GUCY2C: variants seen among roughly 807,000 people sequenced by gnomAD.
GUCY2C encodes the protein guanylyl cyclase C.
GUCY2C carries 118 observed loss-of-function variants against 131.1 expected under a neutral mutation model. The observed-to-expected ratio is 0.90, with a 90% CI of 0.78 to 1.05. The LOEUF is 1.05. Among genes scored for constraint, GUCY2C ranks in the 50% least tolerant of loss-of-function variants. GUCY2C has a pLI of 0.00. For synonymous variants in GUCY2C, 452 were observed against 457.8 expected, an observed-to-expected ratio of 0.99 and a Z score of 0.16; for missense variants, 1,161 against 1,304.4, an observed-to-expected ratio of 0.89 and a Z score of 1.69.
chr12:14,678,967 G>A (rs1192642578), intron 6 of GUCY2C, among the ~76,000 whole-genome samples: 2 of 152,170 alleles, frequency 1.3e-5, no homozygotes. Flanking sequence ...GAGAAATGTG[G>A]AGGAAAAGAT....
At chr12:14,625,598 G>C (rs1946997097) in intron 21 of GUCY2C, among the ~76,000 whole-genome samples, 159 bp downstream of exon 21, 1 of 152,124 alleles carries the variant, frequency 6.6e-6, no homozygotes, top group Admixed American at 6.6e-5. Flanking sequence ...CTCTCAAAGT[G>C]CTAGGATTAC....
In GUCY2C at chr12:14,651,451, T is replaced by G. The variant is rs751599567; in HGVS notation, c.1666A>C (p.Met556Leu). ...KFYGTVKLDTMIFGVIEYCER... is the reference protein window; with the variant it reads ...KFYGTVKLDTLIFGVIEYCER... ...CAGTATTCTATCACCCCGAAGATCA[T>G]GGTATCAAGTTTCACTGTGCCGTAG... Residue 556 changes from methionine (M) to leucine (L), a missense_variant, in exon 15 of 27, where the codon ATG becomes CTG. Met to Leu is a conservative substitution (Grantham distance 15, BLOSUM62 2). Coordinates refer to ENST00000261170, the MANE Select transcript of GUCY2C (RefSeq NM_004963.4). 1 of 1,606,106 alleles carries G rather than the reference T, an allele frequency of 6.2e-7. No homozygotes were observed. The highest frequency in any genetic ancestry group is 2.2e-5 in the East Asian group (1 of 44,814).
intron 24 of GUCY2C, among the ~76,000 whole-genome samples, chr12:14,617,294 C>G (rs1378243843): frequency 6.6e-6 from 1 of 152,168 alleles, no homozygotes; most frequent in East Asian, 1.9e-4. Flanking sequence ...AGAATGCCCT[C>G]ACACAAGAAA....
chr12:14,613,300 A>G lies in GUCY2C; in HGVS notation c.3048-9T>C. ...AACGCTGTTGATTCTCCCTGGAAACAGAGTGGGAAGAGAAAATAGAACTTC... is the reference window on the plus strand; with the variant it reads ...AACGCTGTTGATTCTCCCTGGAAACGGAGTGGGAAGAGAAAATAGAACTTC... On this transcript the variant is annotated splice_polypyrimidine_tract_variant and intron_variant, in intron 26 of 26. Coordinates refer to ENST00000261170, the MANE Select transcript of GUCY2C (RefSeq NM_004963.4). The surrounding 1 kb of genome is among the most constrained non-coding windows in gnomAD (Gnocchi z 4.9). The G allele has an allele frequency of 6.2e-7, 1 of 1,605,442 alleles. No homozygotes were observed.
At chr12:14,626,197 G>A (rs963543477) in intron 20 of GUCY2C, among the ~76,000 whole-genome samples, 3 of 151,850 alleles carry the variant, frequency 2.0e-5, no homozygotes, top group South Asian at 4.2e-4. Context: ...GAAATTAGCC[G>A]GGCATGGTGG....
At chr12:14,614,277 T>A (rs1004345396) in intron 26 of GUCY2C, among the ~76,000 whole-genome samples, 1 of 152,144 alleles carries the variant, frequency 6.6e-6, no homozygotes, top group Non-Finnish European at 1.5e-5. Context: ...TCTAAGAAAG[T>A]GGACAGAATA....
Position 14,696,540 on chromosome 12 carries a change from C to A in GUCY2C, c.-92G>T. The A allele has an allele frequency of 1.1e-6, 1 of 898,744 alleles. No individual in the cohort carries two copies. Among genetic ancestry groups the A allele is most frequent in the South Asian group, 1.5e-5 (1 of 68,104 alleles). 55.7% of individuals were successfully genotyped at this position (898,744 alleles called of 1,614,324 possible). A position where few individuals can be genotyped will look rare whatever the true frequency, so the allele number is the denominator to read the frequency against. On this transcript the variant is annotated 5_prime_UTR_variant, in exon 1 of 27. It removes the in-frame stop codon of an upstream open reading frame in the 5' UTR. Coordinates refer to ENST00000261170, the MANE Select transcript of GUCY2C (RefSeq NM_004963.4). ...GGCAGGGAATCCAGATGGACAGCCT[C>A]TAGTGGAGTCCCTCAGCCCACTCTT...
intron 11 of GUCY2C, among the ~76,000 whole-genome samples, chr12:14,658,219 C>A (rs571780076): frequency 4.8e-4 from 73 of 152,126 alleles, no homozygotes; most frequent in Non-Finnish European, 9.6e-4. Flanking sequence ...GAAATAAATC[C>A]TTTGTCCCTT....
intron 10 of GUCY2C, chr12:14,665,616 A>T (rs1284219026): frequency 6.6e-6 from 1 of 152,280 alleles, no homozygotes; most frequent in African/African-American, 2.4e-5. Flanking sequence ...GTTTGACGTC[A>T]TTTTTGTGAT....
chr12:14,692,852 A>G (rs1356548700), intron 1 of GUCY2C, among the ~76,000 whole-genome samples: 1 of 152,112 alleles, frequency 6.6e-6, no homozygotes, highest in African/African-American at 2.4e-5. Flanking sequence ...TCTGTCCCGA[A>G]TAAATAAATA....
intron 23 of GUCY2C, among the ~76,000 whole-genome samples, chr12:14,620,000 A>G (rs1946859571): frequency 6.6e-6 from 1 of 152,170 alleles, no homozygotes; most frequent in African/African-American, 2.4e-5. Context: ...TTAAAGATTA[A>G]CTCAAAAACT....
At chr12:14,636,278 C>T (rs532910176) in intron 19 of GUCY2C, among the ~76,000 whole-genome samples, 1 of 152,070 alleles carries the variant, frequency 6.6e-6, no homozygotes, top group South Asian at 2.1e-4. Context: ...GGGATTTATC[C>T]CCAGGAAGCA....
chr12:14,650,941 T>C (rs1947643228), intron 15 of GUCY2C, among the ~76,000 whole-genome samples: 2 of 152,194 alleles, frequency 1.3e-5, no homozygotes, highest in South Asian at 4.1e-4. Flanking sequence ...TTCCTCTGTT[T>C]GCTTTGGACT....
At chr12:14,664,666 T>C (rs1181390319) in intron 10 of GUCY2C, among the ~76,000 whole-genome samples, 3 of 152,170 alleles carry the variant, frequency 2.0e-5, no homozygotes, top group Non-Finnish European at 4.4e-5. Flanking sequence ...CATCTCACAA[T>C]GAATGAGAGT....
At chr12:14,620,093 T>C (rs934025656) in intron 23 of GUCY2C, among the ~76,000 whole-genome samples, 1 of 152,194 alleles carries the variant, frequency 6.6e-6, no homozygotes, top group Non-Finnish European at 1.5e-5. Context: ...GTTTTTTCTA[T>C]AACACCTGTA....
intron 3 of GUCY2C, 140 bp downstream of exon 3, chr12:14,686,021 G>A (rs531921248): frequency 9.9e-6 from 6 of 605,682 alleles, no homozygotes; most frequent in Admixed American, 5.6e-5. Context: ...ACCTGGATAA[G>A]AGAATGACAG....
At chr12:14,655,317 T>C (rs1329925320) in intron 12 of GUCY2C, among the ~76,000 whole-genome samples, 1 of 152,268 alleles carries the variant, frequency 6.6e-6, no homozygotes, top group East Asian at 1.9e-4. Flanking sequence ...GAATTACTGT[T>C]AAATTGATTT....
rs1207093723 is a variant in GUCY2C at position 14,637,195 on chromosome 12, C to CCA, written c.2157+2665_2157+2666dup. ...AAGACAATCCCATTTACAATAGCTA[C>CCA]CAAAAAAAAAAAAAAACCACCTAGG... On this transcript the variant is annotated intron_variant, in intron 19 of 26. Transcript: ENST00000261170. Among the ~76,000 whole-genome samples, 4 of 10,446 alleles carry CCA rather than the reference C, an allele frequency of 3.8e-4. No individual in the cohort carries two copies. In the East Asian group the frequency reaches 0.018, roughly 46 times the overall value. 6.9% of individuals were successfully genotyped at this position (10,446 alleles called of 152,430 possible). A position where few individuals can be genotyped will look rare whatever the true frequency, so the allele number is the denominator to read the frequency against.
At chr12:14,625,617 G>T in intron 21 of GUCY2C, 140 bp downstream of exon 21, 1 of 799,398 alleles carries the variant, frequency 1.3e-6, no homozygotes, top group Non-Finnish European at 2.0e-6. Flanking sequence ...ACAGGCGTGA[G>T]CCTCCGTGCC....
Sources: allele counts gnomAD v4.1 joint callset (sites outside exome capture counted in the v4.1 genomes callset), GRCh38; gene constraint gnomAD v4.1.1; non-coding constraint Gnocchi (gnomAD v3.1); transcripts MANE v1.5; gene names NCBI Gene and HGNC (gene_info 2026-07-23, HGNC 2026-07-21).